DCUN1D2: variants seen among roughly 807,000 people sequenced by gnomAD.
DCUN1D2 encodes DCN1-like protein 2.
A neutral mutation model predicts 30.9 loss-of-function variants in DCUN1D2; 29 were observed. The ratio of observed to expected loss-of-function variants is 0.94; its 90% CI spans 0.70 to 1.28. The LOEUF (loss-of-function observed/expected upper bound fraction) is 1.28, where lower values mean the gene tolerates loss of function less well. Among genes scored for constraint, DCUN1D2 ranks in the 50% most tolerant of loss-of-function variants. DCUN1D2 has a pLI of 0.00. For missense variants in DCUN1D2, 325 were observed against 316.9 expected (o/e 1.03, Z -0.19); for synonymous variants, 121 against 115.3 (o/e 1.05, Z -0.32).
chr13:113,466,964 G>A (rs185506111), intron 4 of DCUN1D2, among the ~76,000 whole-genome samples: 105 of 151,952 alleles, frequency 6.9e-4, no homozygotes, highest in African/African-American at 2.3e-3. Flanking sequence ...CCGCCACCAC[G>A]CCCGGCTAAT....
At chr13:113,473,086 CCTCT>C (rs905824583) in intron 4 of DCUN1D2, among the ~76,000 whole-genome samples, 2 of 143,114 alleles carry the variant, frequency 1.4e-5, no homozygotes, top group Non-Finnish European at 3.1e-5. Context: ...TCTCTCTATC[CCTCT>C]GTCTCCTGTG....
chr13:113,490,923 T>C, upstream of DCUN1D2: 1 of 226,324 alleles, frequency 4.4e-6, no homozygotes, highest in East Asian at 1.0e-4. This position sits in a 1 kb window ranked among gnomAD's most constrained non-coding sequence, Gnocchi z 5.2. Context: ...AGCCTGCGGC[T>C]GCCAGGCCCC....
At chr13:113,477,104 T>C (rs1057042585) in intron 3 of DCUN1D2, among the ~76,000 whole-genome samples, 1 of 152,226 alleles carries the variant, frequency 6.6e-6, no homozygotes, top group Admixed American at 6.5e-5. Flanking sequence ...TTGTTCTTTT[T>C]CTTCAAGAAC....
At chr13:113,487,245 G>A (rs1036269306) in intron 1 of DCUN1D2, among the ~76,000 whole-genome samples, 1 of 152,158 alleles carries the variant, frequency 6.6e-6, no homozygotes, top group African/African-American at 2.4e-5. Context: ...AGACAGAAGT[G>A]CAGCCCCCAA....
intron 3 of DCUN1D2, chr13:113,475,293 G>GCACAA (rs1173202482): frequency 6.6e-6 from 1 of 152,222 alleles, no homozygotes; most frequent in Admixed American, 6.5e-5. Flanking sequence ...GCAACGTCTA[G>GCACAA]CACAACGCAT....
intron 4 of DCUN1D2, chr13:113,463,010 T>C (rs1461196229): frequency 3.5e-6 from 1 of 284,488 alleles, no homozygotes; most frequent in Non-Finnish European, 5.7e-6. Context: ...GTCAATCACA[T>C]TATCAAAAGT....
At chr13:113,487,089 G>C (rs893253873) in intron 1 of DCUN1D2, among the ~76,000 whole-genome samples, 1 of 152,238 alleles carries the variant, frequency 6.6e-6, no homozygotes, top group African/African-American at 2.4e-5. Context: ...TCTCTGGTAA[G>C]ATCAAATTTA....
rs117466648 is a variant in DCUN1D2 at position 113,486,180 on chromosome 13, C to T, written c.4-2124G>A. ...CATACTACATAGCCATAAAAAGGAC[C>T]GAGATTGTGTCCTTTGCAGCAACAT... On this transcript the variant is annotated intron_variant, in intron 1 of 6. Coordinates refer to ENST00000478244, the MANE Select transcript of DCUN1D2 (RefSeq NM_001014283.2). Among the ~76,000 whole-genome samples the T allele has an allele frequency of 3.1e-3, 469 of 152,032 alleles. 2 individuals are homozygous for T. Among genetic ancestry groups the T allele is most frequent in the Non-Finnish European group, 4.7e-3 (317 of 67,988 alleles).
intron 4 of DCUN1D2, among the ~76,000 whole-genome samples, chr13:113,466,611 G>A (rs1225358591): frequency 6.6e-6 from 1 of 152,128 alleles, no homozygotes; most frequent in African/African-American, 2.4e-5. Flanking sequence ...TTTTCAGGGG[G>A]CAGGGTGAAG....
chr13:113,459,303 T>G lies in DCUN1D2; in HGVS notation c.700+9A>C. Reference sequence around the variant, plus strand: ...TTCGGTCAATCATCTGAAGCACAACTTCCGGTACCTTCTTCATCGTAGTTA... The same window carrying G: ...TTCGGTCAATCATCTGAAGCACAACGTCCGGTACCTTCTTCATCGTAGTTA... On this transcript the variant is annotated intron_variant, in intron 6 of 6. Transcript: ENST00000478244. 6.6e-7 allele frequency: 1 copy of G among 1,507,302 alleles called. No individual in the cohort carries two copies. Among genetic ancestry groups the G allele is most frequent in the Non-Finnish European group, 9.2e-7 (1 of 1,082,846 alleles). 93.4% of individuals were successfully genotyped at this position (1,507,302 alleles called of 1,614,324 possible).
At chr13:113,484,951 G>A (rs752536464) in intron 1 of DCUN1D2, among the ~76,000 whole-genome samples, 4 of 152,010 alleles carry the variant, frequency 2.6e-5, no homozygotes, top group Non-Finnish European at 5.9e-5. Flanking sequence ...GGTGGCATGC[G>A]CCTATAGTCC....
chr13:113,473,573 C>T (rs913209645), intron 4 of DCUN1D2, among the ~76,000 whole-genome samples: 2 of 152,194 alleles, frequency 1.3e-5, no homozygotes, highest in African/African-American at 4.8e-5. Flanking sequence ...AATTAGTTTA[C>T]ATTTTAAAAT....
intron 4 of DCUN1D2, among the ~76,000 whole-genome samples, chr13:113,470,732 G>GGGACCCAACTCCACAAT (rs2044490968): frequency 7.3e-6 from 1 of 137,262 alleles, no homozygotes. Flanking sequence ...AACTCCACAA[G>GGGACCCAACTCCACAAT]GGACCCAACT....
intron 2 of DCUN1D2, among the ~76,000 whole-genome samples, 195 bp from the exon 3 acceptor site, chr13:113,480,938 G>T (rs2044697403): frequency 6.6e-6 from 1 of 150,432 alleles, no homozygotes; most frequent in Non-Finnish European, 1.5e-5. Context: ...CCAGAAAACG[G>T]TCCTATTTTT....
At chr13:113,483,262 A>C (rs2044741161) in intron 2 of DCUN1D2, among the ~76,000 whole-genome samples, 3 of 152,190 alleles carry the variant, frequency 2.0e-5, no homozygotes, top group African/African-American at 7.2e-5. Context: ...CTCCGATCCA[A>C]GCACTGATGT....
intron 3 of DCUN1D2, among the ~76,000 whole-genome samples, chr13:113,480,088 A>G (rs997021737): frequency 1.2e-4 from 18 of 152,190 alleles, no homozygotes; most frequent in African/African-American, 4.3e-4. Context: ...AGGCCCTTTC[A>G]TTTACTTTTA....
intron 1 of DCUN1D2, among the ~76,000 whole-genome samples, chr13:113,487,413 C>T (rs1282188056): frequency 6.6e-6 from 1 of 152,142 alleles, no homozygotes; most frequent in Non-Finnish European, 1.5e-5. Flanking sequence ...TGATACATGC[C>T]ACATGGATGA....
chr13:113,464,254 T>A (rs2044366043), intron 4 of DCUN1D2, among the ~76,000 whole-genome samples: 1 of 152,246 alleles, frequency 6.6e-6, no homozygotes, highest in South Asian at 2.1e-4. Flanking sequence ...CATTTAAGTA[T>A]CTACAGGAGT....
rs553930474 is a variant in DCUN1D2, at chr13:113,484,841, G to T, written c.4-785C>A. 9.9e-4 allele frequency among the ~76,000 whole-genome samples: 150 copies of T among 152,226 alleles called. 1 individual carries two copies. The Middle Eastern group carries it at 0.01, about 10-fold the overall frequency. On this transcript the variant is annotated intron_variant, in intron 1 of 6. Transcript: ENST00000478244. ...TTGATGATGTAATCCCAGCACTTTG[G>T]GAGGCTGAGGCGGATCACCTGAGGT...
Sources: allele counts gnomAD v4.1 joint callset (sites outside exome capture counted in the v4.1 genomes callset), GRCh38; gene constraint gnomAD v4.1.1; non-coding constraint Gnocchi (gnomAD v3.1); transcripts MANE v1.5; gene names NCBI Gene and HGNC (gene_info 2026-07-23, HGNC 2026-07-21).